ULK4: variants seen among roughly 807,000 people sequenced by gnomAD.
ULK4 encodes the protein inactive serine/threonine-protein kinase ULK4.
Under a neutral mutation model 160.6 loss-of-function variants are expected in ULK4, and 133 were observed. That is an observed-to-expected ratio of 0.83 (90% CI 0.72 to 0.96). The LOEUF is 0.96. Ranked by LOEUF, ULK4 falls within the 40% of genes least tolerant of loss-of-function variation. The pLI is 0.00. For synonymous variants in ULK4, 534 were observed against 539.8 expected, an observed-to-expected ratio of 0.99 and a Z score of 0.15; for missense variants, 1,580 against 1,499.5, an observed-to-expected ratio of 1.05 and a Z score of -0.89.
At chr3:41,347,199 A>C (rs762632804) in intron 35 of ULK4, among the ~76,000 whole-genome samples, 9 of 152,270 alleles carry the variant, frequency 5.9e-5, no homozygotes, top group Non-Finnish European at 1.0e-4. Flanking sequence ...GCAGCTTTAA[A>C]GTTTATTCCA....
intron 32 of ULK4, among the ~76,000 whole-genome samples, chr3:41,542,655 T>G (rs1354640992): frequency 2.6e-5 from 4 of 152,086 alleles, no homozygotes; most frequent in Non-Finnish European, 2.9e-5. Context: ...GGTCCTGGAC[T>G]TTTTTTGGTT....
At position 41,728,840 on chromosome 3, in the gene ULK4, T is replaced by C. The variant is rs2037734388; in HGVS notation, c.2322-10979A>G. ...AAAAATGAAAAGATATATATATATC[T>C]CCACAACATATATGTATACACATAT... is the stretch of plus-strand genomic sequence containing the variant. On this transcript the variant is annotated intron_variant, in intron 22 of 36. Transcript: ENST00000301831. Among the ~76,000 whole-genome samples the C allele has an allele frequency of 3.3e-5, 5 of 152,286 alleles. No individual in the cohort carries two copies. In the South Asian group the frequency reaches 1.0e-3, roughly 32 times the overall value.
chr3:41,620,654 A>G (rs1414992079), intron 30 of ULK4, among the ~76,000 whole-genome samples: 1 of 152,218 alleles, frequency 6.6e-6, no homozygotes, highest in Non-Finnish European at 1.5e-5. Context: ...CCTATAGCCA[A>G]TATAATATTG....
intron 32 of ULK4, among the ~76,000 whole-genome samples, chr3:41,484,068 A>G (rs4973953): frequency 0.42 from 63,831 of 151,490 alleles, 13,616 homozygotes; most frequent in African/African-American, 0.48. Flanking sequence ...AATATAAGGA[A>G]GTAGCGAACA....
chr3:41,592,835 C>T (rs2031446349), intron 31 of ULK4, among the ~76,000 whole-genome samples: 1 of 152,120 alleles, frequency 6.6e-6, no homozygotes, highest in Non-Finnish European at 1.5e-5. Context: ...CTGCCATACT[C>T]CTAAAATTTT....
chr3:41,674,133 G>A (rs1365267102), intron 29 of ULK4, among the ~76,000 whole-genome samples: 2 of 152,168 alleles, frequency 1.3e-5, no homozygotes, highest in Non-Finnish European at 2.9e-5. Context: ...ACACTCATAA[G>A]AGTATTAAAA....
intron 35 of ULK4, among the ~76,000 whole-genome samples, chr3:41,273,873 CAT>C (rs3038325): frequency 0.25 from 37,751 of 151,930 alleles, 6,943 homozygotes; most frequent in African/African-American, 0.52. Context: ...CCTCTCTTCA[CAT>C]ATGTCTGCTT....
chr3:41,249,357 A>G (rs2078701747), intron 36 of ULK4, 132 bp downstream of exon 36: 4 of 780,672 alleles, frequency 5.1e-6, no homozygotes, highest in Non-Finnish European at 8.0e-6. Context: ...GAAGGATCTC[A>G]GTGGACAGTG....
At chr3:41,937,593 C>A (rs1458472321) in intron 3 of ULK4, among the ~76,000 whole-genome samples, 1 of 150,952 alleles carries the variant, frequency 6.6e-6, no homozygotes, top group African/African-American at 2.5e-5. Context: ...AACTAAAAGC[C>A]CAGATAATAT....
rs1575927503 is a variant in ULK4 at position 41,907,904 on chromosome 3, C to T, written c.1123G>A (p.Val375Ile). 2 of 1,606,652 alleles carry T rather than the reference C, an allele frequency of 1.2e-6. No homozygotes were observed. Among genetic ancestry groups the T allele is most frequent in the African/African-American group, 1.3e-5 (1 of 74,620 alleles). The change falls in exon 12 of 37, where the codon GTA becomes ATA. Residue 375 changes from valine to isoleucine, a missense_variant. Val to Ile is a conservative substitution (Grantham distance 29). Coordinates refer to ENST00000301831, the MANE Select transcript of ULK4 (RefSeq NM_017886.4). ...TGAGTCATATCCTCACCAGGACTTACTTCCACTGCAGTGCTAGTTCTGGGA... is the reference window on the plus strand; with the variant it reads ...TGAGTCATATCCTCACCAGGACTTATTTCCACTGCAGTGCTAGTTCTGGGA... ...PTPRTSTAVEVSPGEDMTHCS... is the reference protein window; with the variant it reads ...PTPRTSTAVEISPGEDMTHCS...
At chr3:41,594,090 G>C (rs1311647618) in intron 31 of ULK4, among the ~76,000 whole-genome samples, 1 of 152,046 alleles carries the variant, frequency 6.6e-6, no homozygotes, top group Admixed American at 6.6e-5. Flanking sequence ...AGGAAGGCAG[G>C]TGGGCAAGCA....
chr3:41,663,469 C>T, intron 30 of ULK4, 138 bp downstream of exon 30: 1 of 732,926 alleles, frequency 1.4e-6, no homozygotes, highest in Non-Finnish European at 2.3e-6. Context: ...TATTACAATC[C>T]ATGAAACTTA....
intron 29 of ULK4, among the ~76,000 whole-genome samples, chr3:41,669,684 G>C (rs1031867722): frequency 6.6e-6 from 1 of 151,998 alleles, no homozygotes; most frequent in Non-Finnish European, 1.5e-5. Flanking sequence ...GTAAAATACT[G>C]GGGAACTCCT....
intron 19 of ULK4, among the ~76,000 whole-genome samples, chr3:41,817,149 A>T (rs1461501655): frequency 6.6e-6 from 1 of 152,164 alleles, no homozygotes. Context: ...GGTCCAAATG[A>T]ACTATAGTTT....
intron 32 of ULK4, among the ~76,000 whole-genome samples, chr3:41,555,204 T>C (rs1181845030): frequency 6.6e-6 from 1 of 151,966 alleles, no homozygotes; most frequent in African/African-American, 2.4e-5. Flanking sequence ...ACACACATTC[T>C]AGTAAAACTA....
chr3:41,801,098 T>C (rs917824772), intron 19 of ULK4, among the ~76,000 whole-genome samples: 1 of 152,126 alleles, frequency 6.6e-6, no homozygotes, highest in African/African-American at 2.4e-5. Flanking sequence ...GTAGTCCACA[T>C]ACTCAAGAAG....
chr3:41,349,413 C>G (rs2080867317), intron 35 of ULK4, among the ~76,000 whole-genome samples: 1 of 152,174 alleles, frequency 6.6e-6, no homozygotes, highest in Non-Finnish European at 1.5e-5. Flanking sequence ...TTCAGGAGAG[C>G]TGGCCTCTAG....
rs757231036 is a variant in ULK4 at position 41,455,454 on chromosome 3, C to CA, written c.3492+42dup. 14 of 1,527,892 alleles carry CA rather than the reference C, an allele frequency of 9.2e-6. No homozygotes were observed. In the South Asian group the frequency reaches 1.5e-4, roughly 17 times the overall value. The allele number at this position is 1,527,892 out of a possible 1,614,324, so 94.6% of individuals were successfully genotyped here. On this transcript the variant is annotated intron_variant, in intron 34 of 36. Coordinates refer to ENST00000301831, the MANE Select transcript of ULK4 (RefSeq NM_017886.4). ...TCAGGAAATTCAAATAAAATTACTT[C>CA]AACTTCAGTAATGCCCCAAAAGACA... is the stretch of plus-strand genomic sequence containing the variant.
rs536208291 is a variant in ULK4 at position 41,486,340 on chromosome 3, T to A, written c.3227-23087A>T. On this transcript the variant is annotated intron_variant, in intron 32 of 36. Transcript: ENST00000301831. ...CTTCATTCTAGAAATTTGTTGCCAA[T>A]GAATCATTAGAAAACCCATCAATGA... 2.6e-5 allele frequency among the ~76,000 whole-genome samples: 4 copies of A among 152,226 alleles called. No individual in the cohort carries two copies. The East Asian group carries it at 7.7e-4, about 29-fold the overall frequency.
Sources: gnomAD v4.1 joint callset for allele counts (sites outside exome capture counted in the v4.1 genomes callset) on GRCh38, gnomAD v4.1.1 for gene constraint, MANE v1.5 for transcripts, NCBI Gene and HGNC (gene_info 2026-07-23, HGNC 2026-07-21) for gene names.